The following LTBP1 variants were observed in gnomAD, a reference collection of about 807,000 sequenced individuals.
LTBP1 encodes latent-transforming growth factor beta-binding protein 1.
A neutral mutation model predicts 207.6 loss-of-function variants in LTBP1; 129 were observed. That is an observed-to-expected ratio of 0.62 (90% confidence interval 0.54 to 0.72). The LOEUF is 0.72. LTBP1 is among the 30% of genes least tolerant of loss of function. The pLI is 0.00. For synonymous variants in LTBP1, 963 were observed against 833.7 expected (o/e 1.16, Z -2.67); for missense variants, 2,281 against 2,217.2 (o/e 1.03, Z -0.58).
At chr2:33,005,266 G>C (rs1049792810) in intron 2 of LTBP1, among the ~76,000 whole-genome samples, 1 of 152,188 alleles carries the variant, frequency 6.6e-6, no homozygotes, top group African/African-American at 2.4e-5. Flanking sequence ...TCTGCTCCAT[G>C]TATCAGCGTG....
intron 6 of LTBP1, among the ~76,000 whole-genome samples, chr2:33,187,770 G>T (rs140497904): frequency 6.6e-6 from 1 of 152,248 alleles, no homozygotes; most frequent in African/African-American, 2.4e-5. Flanking sequence ...TTGTGTGTGT[G>T]TATGTCACAA....
chr2:33,002,767 T>C (rs565784055), intron 2 of LTBP1, among the ~76,000 whole-genome samples: 8 of 152,162 alleles, frequency 5.3e-5, no homozygotes, highest in Non-Finnish European at 1.2e-4. Flanking sequence ...AACCTCTGGC[T>C]CCCTGGTTCA....
chr2:33,010,423 TTAGA>T (rs1687515109), intron 2 of LTBP1, among the ~76,000 whole-genome samples: 1 of 152,060 alleles, frequency 6.6e-6, no homozygotes, highest in Admixed American at 6.6e-5. Context: ...AAACATACAG[TTAGA>T]TAGAAGAAAG....
intron 10 of LTBP1, among the ~76,000 whole-genome samples, chr2:33,252,093 G>T (rs755694951): frequency 6.6e-6 from 1 of 152,210 alleles, no homozygotes; most frequent in African/African-American, 2.4e-5. Flanking sequence ...CTGGTGTACT[G>T]TCTGGCTAGA....
At chr2:33,310,592 T>C (rs544485426) in intron 23 of LTBP1, among the ~76,000 whole-genome samples, 1 of 152,282 alleles carries the variant, frequency 6.6e-6, no homozygotes, top group African/African-American at 2.4e-5. Flanking sequence ...AGTGGTAAAG[T>C]TGAGATTTGA....
chr2:33,061,982 C>G (rs1447376934), intron 3 of LTBP1, among the ~76,000 whole-genome samples: 1 of 152,128 alleles, frequency 6.6e-6, no homozygotes, highest in African/African-American at 2.4e-5. Context: ...AATTGTCAGT[C>G]TTCTTCATGT....
At chr2:33,371,441 TGA>T (rs925433105) in intron 31 of LTBP1, among the ~76,000 whole-genome samples, 3 of 152,188 alleles carry the variant, frequency 2.0e-5, no homozygotes, top group African/African-American at 7.2e-5. Context: ...TGTCAGCCTC[TGA>T]GAGACAGAGC....
At chr2:33,147,622 A>T (rs577558067) in intron 5 of LTBP1, among the ~76,000 whole-genome samples, 4 of 152,290 alleles carry the variant, frequency 2.6e-5, no homozygotes, top group Admixed American at 2.6e-4. Flanking sequence ...CAAATCTCCT[A>T]CCTCAGGTCC....
intron 12 of LTBP1, among the ~76,000 whole-genome samples, chr2:33,258,961 C>T (rs963429350): frequency 2.0e-5 from 3 of 152,140 alleles, no homozygotes; most frequent in East Asian, 1.9e-4. Context: ...CTCACAATAA[C>T]GTTTATGATT....
At chr2:33,290,349 T>A (rs1246788425) in intron 19 of LTBP1, among the ~76,000 whole-genome samples, 1 of 152,148 alleles carries the variant, frequency 6.6e-6, no homozygotes, top group Non-Finnish European at 1.5e-5. Context: ...TGATGGGAGA[T>A]CTTCCCAAGG....
rs972391227 is a variant in LTBP1, at chr2:33,001,198, C to G, written c.566-19711C>G. Among the ~76,000 whole-genome samples, 6 of 135,690 alleles carry G rather than the reference C, an allele frequency of 4.4e-5. 1 individual carries two copies. The highest frequency in any genetic ancestry group is 9.7e-5 in the Non-Finnish European group (6 of 61,580). 89.0% of individuals were successfully genotyped at this position (135,690 alleles called of 152,430 possible). ...TTGCCCCAATTACCAAATTCCTTTA[C>G]TACTGAAAGAATGCTGGTCACACCA... On this transcript the variant is annotated intron_variant, in intron 2 of 33. Coordinates refer to ENST00000404816, the MANE Select transcript of LTBP1 (RefSeq NM_206943.4).
chr2:33,274,688 G>C (rs1044235487), intron 16 of LTBP1, among the ~76,000 whole-genome samples: 1 of 152,186 alleles, frequency 6.6e-6, no homozygotes, highest in African/African-American at 2.4e-5. Context: ...GTTATCAGGA[G>C]AATCCTTCTG....
intron 2 of LTBP1, among the ~76,000 whole-genome samples, chr2:32,970,590 G>A (rs1450887441): frequency 2.6e-5 from 4 of 152,000 alleles, no homozygotes; most frequent in Non-Finnish European, 4.4e-5. Context: ...TTTATGTCTG[G>A]GTTCTCTATT....
At chr2:33,068,292 A>G (rs542272965) in intron 3 of LTBP1, among the ~76,000 whole-genome samples, 2 of 151,966 alleles carry the variant, frequency 1.3e-5, no homozygotes, top group Admixed American at 6.6e-5. Flanking sequence ...TTATTTTTCG[A>G]TAATTTTTAG....
intron 5 of LTBP1, among the ~76,000 whole-genome samples, chr2:33,142,352 A>G (rs2082699214): frequency 6.6e-6 from 1 of 151,842 alleles, no homozygotes; most frequent in Admixed American, 6.6e-5. Context: ...ACCTTGCCGC[A>G]CGGCCCTTTC....
At chr2:32,996,292 T>G (rs1000081311) in intron 2 of LTBP1, among the ~76,000 whole-genome samples, 1 of 152,124 alleles carries the variant, frequency 6.6e-6, no homozygotes, top group African/African-American at 2.4e-5. Flanking sequence ...TAACTTCACG[T>G]GGTGGAAGGG....
intron 7 of LTBP1, among the ~76,000 whole-genome samples, chr2:33,194,049 C>T (rs191262243): frequency 2.3e-4 from 35 of 152,156 alleles, no homozygotes; most frequent in Admixed American, 2.0e-4. Context: ...TGCAGTGGCA[C>T]GATCCTGGCT....
chr2:33,302,586 C>A (rs115542761), intron 22 of LTBP1, among the ~76,000 whole-genome samples: 3,598 of 152,194 alleles, frequency 0.024, 152 homozygotes, highest in African/African-American at 0.081. Context: ...AGTGGCTGAG[C>A]CCCATATCCT....
chr2:33,119,392 C>T (rs2080969961), intron 4 of LTBP1, among the ~76,000 whole-genome samples: 2 of 152,040 alleles, frequency 1.3e-5, no homozygotes, highest in Non-Finnish European at 2.9e-5. Flanking sequence ...ATAAAATAGG[C>T]CCACGCAAAA....
Sources: gnomAD v4.1 joint callset for allele counts (sites outside exome capture counted in the v4.1 genomes callset) on GRCh38, gnomAD v4.1.1 for gene constraint, MANE v1.5 for transcripts, NCBI Gene and HGNC (gene_info 2026-07-23, HGNC 2026-07-21) for gene names.